IKBKB: variants seen among roughly 807,000 people sequenced by gnomAD.
IKBKB encodes the protein inhibitor of nuclear factor kappa-B kinase subunit beta.
In IKBKB, 42 loss-of-function variants were observed where a neutral mutation model predicts 113.6. That is an observed-to-expected ratio of 0.37 (90% confidence interval 0.29 to 0.48). The LOEUF (loss-of-function observed/expected upper bound fraction) is 0.48, where lower values mean the gene tolerates loss of function less well. Ranked by LOEUF, IKBKB falls within the 20% of genes least tolerant of loss-of-function variation. IKBKB has a pLI of 0.99. For synonymous variants in IKBKB, 296 were observed against 361.3 expected (o/e 0.82, Z 2.05); for missense variants, 673 against 939.7 (o/e 0.72, Z 3.71).
rs78394545 is a variant in IKBKB at position 42,302,988 on chromosome 8, G to C, written c.389-2199G>C. On this transcript the variant is annotated intron_variant, in intron 5 of 21. Coordinates refer to ENST00000520810, the MANE Select transcript of IKBKB (RefSeq NM_001556.3). Reference sequence around the variant, plus strand: ...GCTTTTCCGTTACCCTGCACAGAGGGCCGTACCCATGACAGCAGATAGGAT... The same window carrying C: ...GCTTTTCCGTTACCCTGCACAGAGGCCCGTACCCATGACAGCAGATAGGAT... Among the ~76,000 whole-genome samples the C allele has an allele frequency of 1.9e-3, 295 of 152,102 alleles. 3 individuals carry two copies. In the Middle Eastern group the frequency reaches 0.024, roughly 12 times the overall value.
chr8:42,279,046 A>G (rs1213692507), intron 2 of IKBKB, among the ~76,000 whole-genome samples: 1 of 151,972 alleles, frequency 6.6e-6, no homozygotes, highest in African/African-American at 2.4e-5. Context: ...AACAGCGCTT[A>G]GTGGTGGAGT....
intron 19 of IKBKB, chr8:42,325,667 G>A (rs1470809297): frequency 8.9e-7 from 1 of 1,122,750 alleles, no homozygotes; most frequent in African/African-American, 1.7e-5. Flanking sequence ...GACAGAGCAA[G>A]ACTCTCAATC....
chr8:42,293,092 G>A (rs753348557), intron 4 of IKBKB, among the ~76,000 whole-genome samples: 8 of 152,166 alleles, frequency 5.3e-5, no homozygotes, highest in South Asian at 2.1e-4. Context: ...AGCCTGGCCC[G>A]TCTCTAGGAC....
chr8:42,271,649 C>T (rs1807758376), intron 1 of IKBKB, 180 bp downstream of exon 1: 4 of 540,058 alleles, frequency 7.4e-6, no homozygotes, highest in African/African-American at 2.0e-5. Flanking sequence ...CCTGGGGTGG[C>T]TTCTTGGGGG....
intron 2 of IKBKB, chr8:42,272,561 A>G: frequency 2.8e-6 from 1 of 362,080 alleles, no homozygotes. Flanking sequence ...TAAATAATTT[A>G]AAATATTTTA....
chr8:42,319,327 C>A lies in IKBKB; in HGVS notation c.1422C>A (p.Ser474=), dbSNP rs1819322374. ...CCAAAATGAAGAATTCCATGGCTTC[C>A]ATGTCTCAGCAGCTCAAGGCCAAGT... ...CLSKMKNSMA[S]MSQQLKAKLD... The change falls in exon 14 of 22, where the codon TCC becomes TCA. Residue 474 remains serine (S), a synonymous_variant. Coordinates refer to ENST00000520810, the MANE Select transcript of IKBKB (RefSeq NM_001556.3). 6.2e-7 allele frequency: 1 copy of A among 1,614,000 alleles called. No homozygotes were observed. Among genetic ancestry groups the A allele is most frequent in the Non-Finnish European group, 8.5e-7 (1 of 1,180,004 alleles).
chr8:42,325,242 T>G lies in IKBKB; in HGVS notation c.1987-728T>G, dbSNP rs970427790. 3.0e-6 allele frequency: 3 copies of G among 985,560 alleles called. No homozygotes were observed. In the African/African-American group the frequency reaches 5.2e-5, roughly 17 times the overall value. 61.1% of individuals were successfully genotyped at this position (985,560 alleles called of 1,614,324 possible). A position where few individuals can be genotyped will look rare whatever the true frequency, so the allele number is the denominator to read the frequency against. On this transcript the variant is annotated intron_variant, in intron 19 of 21. Coordinates refer to ENST00000520810, the MANE Select transcript of IKBKB (RefSeq NM_001556.3). ...TGACCCTTCGGGCTGGGAGGGGCAG[T>G]GGCTGCAGCCCCTTGGGAGTCAGGG...
chr8:42,279,054 A>G (rs2130122955), intron 2 of IKBKB, among the ~76,000 whole-genome samples: 1 of 151,692 alleles, frequency 6.6e-6, no homozygotes, highest in East Asian at 1.9e-4. Flanking sequence ...TTAGTGGTGG[A>G]GTAGAGGTGG....
intron 5 of IKBKB, among the ~76,000 whole-genome samples, chr8:42,304,422 GCCT>G (rs1816081585): frequency 6.6e-6 from 1 of 152,126 alleles, no homozygotes; most frequent in African/African-American, 2.4e-5. Flanking sequence ...TCATCACGTT[GCCT>G]CCTCACAGCA....
At chr8:42,297,792 G>A (rs1270208871) in intron 5 of IKBKB, among the ~76,000 whole-genome samples, 1 of 152,136 alleles carries the variant, frequency 6.6e-6, no homozygotes, top group Non-Finnish European at 1.5e-5. Flanking sequence ...CTACTCAGGA[G>A]ACTGAGGCAG....
At chr8:42,278,138 G>C (rs1486768089) in intron 2 of IKBKB, among the ~76,000 whole-genome samples, 3 of 152,196 alleles carry the variant, frequency 2.0e-5, no homozygotes, top group Non-Finnish European at 1.5e-5. Context: ...GGCCCTAGTA[G>C]AAGTCAGCTT....
chr8:42,320,813 G>A lies in IKBKB; in HGVS notation c.1657G>A (p.Gly553Ser), dbSNP rs1294457420. The change falls in exon 16 of 22, where the codon GGC becomes AGC. Residue 553 changes from glycine (G) to serine (S), a missense_variant. Physicochemically the swap from Gly to Ser is moderately conservative, Grantham distance 56. Transcript: ENST00000520810. ...DIVDLQRSPM[G>S]RKQGGTLDDL... ...TGTGGACTTACAGAGGAGCCCCATGGGCCGGAAGCAGGGGGGAACGCTGGA... is the reference window on the plus strand; with the variant it reads ...TGTGGACTTACAGAGGAGCCCCATGAGCCGGAAGCAGGGGGGAACGCTGGA... The A allele has an allele frequency of 1.2e-6, 2 of 1,605,458 alleles. No individual in the cohort carries two copies. Among genetic ancestry groups the A allele is most frequent in the Admixed American group, 3.4e-5 (2 of 58,832 alleles).
intron 7 of IKBKB, among the ~76,000 whole-genome samples, chr8:42,307,989 C>T (rs1816878126): frequency 1.3e-5 from 2 of 152,240 alleles, no homozygotes; most frequent in South Asian, 2.1e-4. Flanking sequence ...CCCAGCACCC[C>T]GTGCTGCCGC....
intron 8 of IKBKB, 74 bp downstream of exon 8, chr8:42,309,099 T>C: frequency 6.7e-7 from 1 of 1,482,102 alleles, no homozygotes; most frequent in Non-Finnish European, 9.2e-7. Flanking sequence ...CCTGTTTCCC[T>C]GGCGCCCCAT....
At chr8:42,297,202 G>C (rs1423775318) in intron 5 of IKBKB, among the ~76,000 whole-genome samples, 1 of 152,182 alleles carries the variant, frequency 6.6e-6, no homozygotes, top group African/African-American at 2.4e-5. Context: ...TTTTATCCCT[G>C]TTTCTGATTT....
intron 12 of IKBKB, among the ~76,000 whole-genome samples, chr8:42,318,070 T>G (rs574923687): frequency 5.9e-5 from 9 of 152,168 alleles, no homozygotes; most frequent in Admixed American, 3.9e-4. Context: ...AAGACCAGCC[T>G]GGGTAATATA....
chr8:42,301,703 T>C (rs1402717343), intron 5 of IKBKB, among the ~76,000 whole-genome samples: 3 of 152,242 alleles, frequency 2.0e-5, no homozygotes, highest in African/African-American at 7.2e-5. Flanking sequence ...AATAGACAGA[T>C]ATTAATAGTA....
Position 42,326,507 on chromosome 8 carries a change from CCCT to C in IKBKB, c.2114+415_2114+417del, listed in dbSNP as rs1476997927. 3.9e-5 allele frequency: 7 copies of C among 178,816 alleles called. No homozygotes were observed. In the South Asian group the frequency reaches 7.1e-4, roughly 18 times the overall value. 11.1% of individuals were successfully genotyped at this position (178,816 alleles called of 1,614,324 possible). A position where few individuals can be genotyped will look rare whatever the true frequency, so the allele number is the denominator to read the frequency against. The stretch of plus-strand genomic sequence containing the variant: ...GACCTTCCCATTCTTCCCGTCCTCT[CCCT>C]CCTCTTGCCTGAACCATCGCAGCAG... On this transcript the variant is annotated intron_variant, in intron 20 of 21. Coordinates refer to ENST00000520810, the MANE Select transcript of IKBKB (RefSeq NM_001556.3).
Position 42,319,187 on chromosome 8 carries a change from A to G in IKBKB, c.1365-83A>G, listed in dbSNP as rs533864166. 1.5e-5 allele frequency: 20 copies of G among 1,291,918 alleles called. No individual in the cohort carries two copies. The African/African-American group carries it at 2.9e-4, about 19-fold the overall frequency. 80.0% of individuals were successfully genotyped at this position (1,291,918 alleles called of 1,614,324 possible). A position where few individuals can be genotyped will look rare whatever the true frequency, so the allele number is the denominator to read the frequency against. On this transcript the variant is annotated intron_variant, in intron 13 of 21. Transcript: ENST00000520810. ...AATTATAGCAGGGACCTCCCTTGAC[A>G]TTTGAGGGGGTTTTGTTATTGTACA...
Sources: allele counts gnomAD v4.1 joint callset (sites outside exome capture counted in the v4.1 genomes callset), GRCh38; gene constraint gnomAD v4.1.1; transcripts MANE v1.5; gene names NCBI Gene and HGNC (gene_info 2026-07-23, HGNC 2026-07-21).